Variants in LRRC4C observed in about 807,000 individuals in gnomAD.
LRRC4C encodes the protein leucine-rich repeat-containing protein 4C.
Under a neutral mutation model 33.6 loss-of-function variants are expected in LRRC4C, and 5 were observed. The ratio of observed to expected loss-of-function variants is 0.15; its 90% CI spans 0.08 to 0.31. The LOEUF (loss-of-function observed/expected upper bound fraction) is 0.31. LRRC4C is among the 10% of genes least tolerant of loss of function. The pLI is 1.00. For synonymous variants in LRRC4C, 329 were observed against 302.0 expected, an observed-to-expected ratio of 1.09 and a Z score of -0.93; for missense variants, 560 against 796.7, an observed-to-expected ratio of 0.70 and a Z score of 3.58.
chr11:40,759,962 C>A (rs1001383078), intron 2 of LRRC4C, among the ~76,000 whole-genome samples: 33 of 95,718 alleles, frequency 3.4e-4, no homozygotes, highest in South Asian at 9.3e-4. Context: ...ACAACAACAA[C>A]AAAAAAAAAA....
At chr11:41,173,487 T>C (rs1180584123) in intron 1 of LRRC4C, among the ~76,000 whole-genome samples, 4 of 152,184 alleles carry the variant, frequency 2.6e-5, no homozygotes, top group Non-Finnish European at 4.4e-5. Flanking sequence ...ATCCTCAAAA[T>C]GGGCCTAGCC....
intron 3 of LRRC4C, among the ~76,000 whole-genome samples, chr11:40,482,108 G>C (rs930193974): frequency 5.3e-5 from 8 of 152,132 alleles, no homozygotes; most frequent in Admixed American, 4.6e-4. Flanking sequence ...TCACTTGTTA[G>C]TTTGGTAACA....
chr11:41,248,912 T>C (rs2136623380), intron 1 of LRRC4C, among the ~76,000 whole-genome samples: 1 of 152,306 alleles, frequency 6.6e-6, no homozygotes, highest in Non-Finnish European at 1.5e-5. Context: ...TAGTCTTTAC[T>C]CTTCTTTCTC....
At position 40,115,563 on chromosome 11, in the gene LRRC4C, G is replaced by A. The variant is rs373740831; in HGVS notation, c.730C>T (p.His244Tyr). 39 of 1,614,060 alleles carry A rather than the reference G, an allele frequency of 2.4e-5. No individual in the cohort carries two copies. Among genetic ancestry groups the A allele is most frequent in the Non-Finnish European group, 3.2e-5 (38 of 1,180,040 alleles). ...TGTATCATCCACAGTTTTTGAAGGT[G>A]CATCAAACCCTGGAAAGAGCCAGGC... ...IRPGSFQGLMHLQKLWMIQSQ... is the reference protein window; with the variant it reads ...IRPGSFQGLMYLQKLWMIQSQ... Residue 244 changes from histidine to tyrosine, a missense_variant, in exon 7 of 7, where the codon CAC becomes TAC. Transcript: ENST00000528697. The surrounding 1 kb of genome is among the most constrained non-coding windows in gnomAD (Gnocchi z 6.7).
chr11:40,649,710 T>C (rs987329292), intron 2 of LRRC4C, among the ~76,000 whole-genome samples: 3 of 152,156 alleles, frequency 2.0e-5, no homozygotes, highest in African/African-American at 7.2e-5. Context: ...AATGTCAATA[T>C]TAAAATGAAA....
chr11:41,098,986 A>G (rs1262068032), intron 1 of LRRC4C, among the ~76,000 whole-genome samples: 1 of 152,152 alleles, frequency 6.6e-6, no homozygotes, highest in Non-Finnish European at 1.5e-5. Context: ...CACAATTAGT[A>G]ATGATAAAGG....
At chr11:41,061,196 T>G (rs1315644389) in intron 1 of LRRC4C, among the ~76,000 whole-genome samples, 1 of 151,966 alleles carries the variant, frequency 6.6e-6, no homozygotes, top group Non-Finnish European at 1.5e-5. Context: ...GTAAGTTGAG[T>G]GGAAGGGGAA....
At chr11:40,920,666 A>G (rs552137842) in intron 2 of LRRC4C, among the ~76,000 whole-genome samples, 3 of 152,242 alleles carry the variant, frequency 2.0e-5, no homozygotes, top group African/African-American at 7.2e-5. Context: ...TGATGACTCA[A>G]TTCACCCATT....
chr11:41,215,633 T>C (rs1469000528), intron 1 of LRRC4C, among the ~76,000 whole-genome samples: 1 of 152,182 alleles, frequency 6.6e-6, no homozygotes. Flanking sequence ...GGAATAATAA[T>C]ATGTAGCCTT....
chr11:40,148,018 C>T (rs1234509690), intron 5 of LRRC4C, among the ~76,000 whole-genome samples: 1 of 152,126 alleles, frequency 6.6e-6, no homozygotes, highest in Non-Finnish European at 1.5e-5. Context: ...TCCTGTGCTA[C>T]TTTGCTAAGA....
chr11:41,094,912 C>A (rs1027717404), intron 1 of LRRC4C, among the ~76,000 whole-genome samples: 2 of 152,104 alleles, frequency 1.3e-5, no homozygotes, highest in African/African-American at 4.8e-5. Flanking sequence ...AGCTTAAAGA[C>A]AGAGTTTCAT....
At chr11:40,467,439 C>T (rs1952705483) in intron 3 of LRRC4C, among the ~76,000 whole-genome samples, 1 of 151,962 alleles carries the variant, frequency 6.6e-6, no homozygotes, top group Admixed American at 6.6e-5. Context: ...ATGTAATTAA[C>T]AAATGGAAAG....
At chr11:41,391,720 C>G (rs576263480) in intron 1 of LRRC4C, among the ~76,000 whole-genome samples, 2 of 151,940 alleles carry the variant, frequency 1.3e-5, no homozygotes, top group African/African-American at 2.4e-5. Context: ...CCTCAAGTTC[C>G]TATAATACCT....
At chr11:40,372,504 T>C (rs115533245) in intron 3 of LRRC4C, among the ~76,000 whole-genome samples, 3,267 of 152,294 alleles carry the variant, frequency 0.021, 106 homozygotes, top group African/African-American at 0.074. Flanking sequence ...CAGGATAATC[T>C]CTTTATTTTA....
chr11:40,177,286 T>C (rs991732369), intron 5 of LRRC4C, among the ~76,000 whole-genome samples: 1 of 152,142 alleles, frequency 6.6e-6, no homozygotes, highest in Non-Finnish European at 1.5e-5. Flanking sequence ...ATGATGAGGA[T>C]ACTTACTAGA....
At chr11:41,033,350 T>A (rs2137848838) in intron 1 of LRRC4C, among the ~76,000 whole-genome samples, 1 of 151,900 alleles carries the variant, frequency 6.6e-6, no homozygotes, top group South Asian at 2.1e-4. Context: ...GCAAAACTAG[T>A]CAATATAAAA....
chr11:40,116,598 A>G (rs1855454533), intron 6 of LRRC4C, among the ~76,000 whole-genome samples: 1 of 152,186 alleles, frequency 6.6e-6, no homozygotes. Context: ...TGTATTGTTT[A>G]CCAACCAAAT....
chr11:40,941,478 T>G (rs2136594073), intron 1 of LRRC4C, among the ~76,000 whole-genome samples: 1 of 152,280 alleles, frequency 6.6e-6, no homozygotes, highest in East Asian at 1.9e-4. Context: ...CACTGAGATT[T>G]CAAGATTTCA....
At position 40,438,763 on chromosome 11, in the gene LRRC4C, T is replaced by A. The variant is rs151314140; in HGVS notation, c.-269-119042A>T. On this transcript the variant is annotated intron_variant, in intron 3 of 6. Transcript: ENST00000528697. ...ATTGCCTACTCATAATTTATCAAAT[T>A]AAAAATAAGTATCTCACTTTTGTTA... 1.8e-3 allele frequency among the ~76,000 whole-genome samples: 280 copies of A among 152,272 alleles called. 4 individuals are homozygous for A. The East Asian group carries it at 0.029, about 16-fold the overall frequency.
Sources: gnomAD v4.1 joint callset for allele counts (sites outside exome capture counted in the v4.1 genomes callset) on GRCh38, gnomAD v4.1.1 for gene constraint, Gnocchi (gnomAD v3.1) non-coding constraint, MANE v1.5 for transcripts, NCBI Gene and HGNC (gene_info 2026-07-23, HGNC 2026-07-21) for gene names.